The following IGSF11 variants were observed in gnomAD, a reference collection of about 807,000 sequenced individuals.
The protein encoded by IGSF11 is CXADR like 1.
Under a neutral mutation model 41.0 loss-of-function variants are expected in IGSF11, and 22 were observed. That is an observed-to-expected ratio of 0.54 (90% CI 0.38 to 0.77). IGSF11 has a LOEUF of 0.77. Among genes scored for constraint, IGSF11 ranks in the 30% least tolerant of loss-of-function variants. The pLI, the probability that IGSF11 is intolerant of heterozygous loss-of-function variation, is 0.00. For synonymous variants in IGSF11, 219 were observed against 201.3 expected, an observed-to-expected ratio of 1.09 and a Z score of -0.74; for missense variants, 444 against 530.8, an observed-to-expected ratio of 0.84 and a Z score of 1.61.
chr3:119,045,562 G>C (rs910064856), intron 1 of IGSF11, among the ~76,000 whole-genome samples: 1 of 152,070 alleles, frequency 6.6e-6, no homozygotes, highest in African/African-American at 2.4e-5. Flanking sequence ...CAGTGAGGCT[G>C]GGGGAGGGGC....
intron 1 of IGSF11, among the ~76,000 whole-genome samples, chr3:119,058,493 T>C (rs1441195643): frequency 6.6e-6 from 1 of 151,512 alleles, no homozygotes. Context: ...GGAGAGGATG[T>C]GGAGAAATAA....
chr3:119,055,924 A>G lies in IGSF11; in HGVS notation c.49+49220T>C, dbSNP rs533184303. On this transcript the variant is annotated intron_variant, in intron 1 of 6. Transcript: ENST00000354673. ...AATAAAGATGGTCTTTGAAACCAAT[A>G]AGAAAAAAGACTCAACATACCAGAA... 5.3e-5 allele frequency among the ~76,000 whole-genome samples: 8 copies of G among 152,294 alleles called. No homozygotes were observed. The South Asian group carries it at 1.7e-3, about 32-fold the overall frequency.
At chr3:118,912,183 G>C (rs1940404867) in intron 4 of IGSF11, among the ~76,000 whole-genome samples, 1 of 152,170 alleles carries the variant, frequency 6.6e-6, no homozygotes, top group East Asian at 1.9e-4. Context: ...AGTTCTCTGT[G>C]CATCTTTAAA....
chr3:119,067,315 C>T (rs551269976), intron 1 of IGSF11, among the ~76,000 whole-genome samples: 1 of 151,956 alleles, frequency 6.6e-6, no homozygotes, highest in South Asian at 2.1e-4. Context: ...TTTCCTCAGG[C>T]TCTCATGAGC....
chr3:118,927,076 C>T (rs375683453), intron 3 of IGSF11, among the ~76,000 whole-genome samples: 2 of 151,008 alleles, frequency 1.3e-5, no homozygotes, highest in East Asian at 3.9e-4. Context: ...GCAGAGTATA[C>T]ACAGGAATCA....
chr3:119,104,051 TAGG>T (rs1177106435), intron 1 of IGSF11, among the ~76,000 whole-genome samples: 3 of 152,210 alleles, frequency 2.0e-5, no homozygotes, highest in Middle Eastern at 3.2e-3. Flanking sequence ...TCTGAGAGAA[TAGG>T]AGGACAGTAC....
chr3:119,071,315 A>T (rs914963527), intron 1 of IGSF11, among the ~76,000 whole-genome samples: 3 of 152,138 alleles, frequency 2.0e-5, no homozygotes, highest in Non-Finnish European at 2.9e-5. Context: ...ATGCACAAAT[A>T]TTTTTAGTTT....
intron 1 of IGSF11, among the ~76,000 whole-genome samples, chr3:119,016,109 A>T (rs971631082): frequency 6.6e-6 from 1 of 152,220 alleles, no homozygotes; most frequent in African/African-American, 2.4e-5. Flanking sequence ...TGGGAAAAGA[A>T]CAGCCACAAA....
chr3:118,902,656 C>T lies in IGSF11; in HGVS notation c.1160G>A (p.Arg387Lys). 1 of 1,614,092 alleles carries T rather than the reference C, an allele frequency of 6.2e-7. No individual in the cohort carries two copies. Among genetic ancestry groups the T allele is most frequent in the Non-Finnish European group, 8.5e-7 (1 of 1,180,000 alleles). Reference protein sequence around the residue: ...NRGSSPQVMSRSNGSVSRKPR... With the variant: ...NRGSSPQVMSKSNGSVSRKPR... ...CTTCCTACTGACTGAGCCATTGCTC[C>T]TGGACATCACCTGTGGTGATGACCC... The change falls in exon 7 of 7, where the codon AGG becomes AAG. Residue 387 changes from arginine (R) to lysine (K), a missense_variant. Around this residue, in one of 3 missense-constraint regions of IGSF11, gnomAD observed 223 missense variants for 226.2 expected, o/e 0.99. Transcript: ENST00000393775.
At chr3:118,999,661 TCAAAATG>T (rs1936616668) in intron 1 of IGSF11, among the ~76,000 whole-genome samples, 1 of 152,198 alleles carries the variant, frequency 6.6e-6, no homozygotes, top group South Asian at 2.1e-4. Context: ...AAATGAAAAG[TCAAAATG>T]TCTCTTCATT....
rs1559862487 is a variant in IGSF11 at position 118,902,455 on chromosome 3, C to A, written c.*65G>T. The A allele has an allele frequency of 1.7e-6, 1 of 601,858 alleles. No homozygotes were observed. Among genetic ancestry groups the A allele is most frequent in the Non-Finnish European group, 3.1e-6 (1 of 320,710 alleles). The allele number at this position is 601,858 out of a possible 1,614,324, so 37.3% of individuals were successfully genotyped here. A position where few individuals can be genotyped will look rare whatever the true frequency, so the allele number is the denominator to read the frequency against. Reference sequence around the variant, plus strand: ...TGTTTCTTTCCCAGCACTCCCCACCCCACCCTCCCCCTTGTATGAGGGCAT... The same window carrying A: ...TGTTTCTTTCCCAGCACTCCCCACCACACCCTCCCCCTTGTATGAGGGCAT... On this transcript the variant is annotated 3_prime_UTR_variant, in exon 7 of 7. Coordinates refer to ENST00000393775, the MANE Select transcript of IGSF11 (RefSeq NM_001015887.3).
chr3:118,934,388 T>A (rs965473720), intron 1 of IGSF11, among the ~76,000 whole-genome samples: 3 of 152,148 alleles, frequency 2.0e-5, no homozygotes, highest in Non-Finnish European at 4.4e-5. Context: ...TCCTCCCAAC[T>A]CTCTGGACAC....
At chr3:119,058,195 A>C (rs62273467) in intron 1 of IGSF11, among the ~76,000 whole-genome samples, 56,304 of 151,694 alleles carry the variant, frequency 0.37, 10,607 homozygotes, top group Middle Eastern at 0.42. Context: ...CAACCTACAA[A>C]ATGGGAGAAA....
intron 1 of IGSF11, among the ~76,000 whole-genome samples, chr3:119,025,171 A>G (rs993802287): frequency 3.9e-5 from 6 of 152,186 alleles, no homozygotes. Flanking sequence ...TTTTAGGAAA[A>G]GTTTTACAAA....
intron 1 of IGSF11, among the ~76,000 whole-genome samples, chr3:119,002,340 T>C (rs1275369589): frequency 1.3e-5 from 2 of 151,202 alleles, no homozygotes; most frequent in African/African-American, 2.4e-5. Flanking sequence ...TCTTGTAAAT[T>C]TGTTTGAGTT....
intron 1 of IGSF11, among the ~76,000 whole-genome samples, chr3:119,100,932 G>T (rs1281065102): frequency 2.0e-5 from 3 of 152,204 alleles, no homozygotes; most frequent in African/African-American, 7.2e-5. Context: ...GATGAATCCT[G>T]AGGACAGATC....
At chr3:118,933,233 T>C (rs1177409561) in intron 1 of IGSF11, among the ~76,000 whole-genome samples, 5 of 152,194 alleles carry the variant, frequency 3.3e-5, no homozygotes, top group African/African-American at 1.2e-4. Context: ...GTTTAAAATG[T>C]GGTACTTTCA....
At chr3:119,068,924 TTTC>T (rs1156741657) in intron 1 of IGSF11, among the ~76,000 whole-genome samples, 5 of 138,972 alleles carry the variant, frequency 3.6e-5, no homozygotes, top group African/African-American at 1.1e-4. Context: ...TTCTTTTTTT[TTTC>T]TTTTTTTTTT....
chr3:118,969,381 G>A (rs1933106105), intron 1 of IGSF11, among the ~76,000 whole-genome samples: 1 of 152,150 alleles, frequency 6.6e-6, no homozygotes, highest in Admixed American at 6.5e-5. Flanking sequence ...GAGCAGTTAG[G>A]CGGGAAGCTG....
Sources: gnomAD v4.1 joint callset for allele counts (sites outside exome capture counted in the v4.1 genomes callset) on GRCh38, gnomAD v4.1.1 for gene constraint, gnomAD v4.1.1 regional missense constraint, MANE v1.5 for transcripts, NCBI Gene and HGNC (gene_info 2026-07-23, HGNC 2026-07-21) for gene names.